RBFOX1: variants seen among roughly 807,000 people sequenced by gnomAD.
RBFOX1 encodes the protein RNA binding fox-1 homolog 1.
RBFOX1 carries 8 observed loss-of-function variants against 57.7 expected under a neutral mutation model. The ratio of observed to expected loss-of-function variants is 0.14; its 90% CI spans 0.08 to 0.25. The LOEUF is 0.25. RBFOX1 is among the 10% of genes least tolerant of loss of function. RBFOX1 has a pLI of 1.00. For missense variants in RBFOX1, 611 were observed against 548.5 expected (o/e 1.11, Z -1.14); for synonymous variants, 326 against 222.4 (o/e 1.47, Z -4.15).
chr16:5,522,507 C>A (rs1181152546), intron 2 of RBFOX1, among the ~76,000 whole-genome samples: 1 of 152,142 alleles, frequency 6.6e-6, no homozygotes, highest in African/African-American at 2.4e-5. Context: ...CCTAAGATAC[C>A]CATTACCTCA....
intron 4 of RBFOX1, among the ~76,000 whole-genome samples, chr16:7,302,871 A>C (rs2096066991): frequency 6.6e-6 from 1 of 152,078 alleles, no homozygotes; most frequent in Non-Finnish European, 1.5e-5. Context: ...TTATTACTTC[A>C]TAAAATAAAG....
At position 6,019,658 on chromosome 16, in the gene RBFOX1, G is replaced by A; in HGVS notation, c.-461G>A. On this transcript the variant is annotated 5_prime_UTR_variant, in exon 1 of 16. Coordinates refer to ENST00000550418, the MANE Select transcript of RBFOX1 (RefSeq NM_018723.4). The surrounding 1 kb of genome is among the most constrained non-coding windows in gnomAD (Gnocchi z 4.2). ...GAGGGGACAGCCAGCCGTGGGCCCC[G>A]CCCCGGCGTCCGGAGCAGGAGAACT... 1 of 1,299,208 alleles carries A rather than the reference G, an allele frequency of 7.7e-7. No homozygotes were observed. Among genetic ancestry groups the A allele is most frequent in the East Asian group, 3.1e-5 (1 of 32,610 alleles). 80.5% of individuals were successfully genotyped at this position (1,299,208 alleles called of 1,614,324 possible). A position where few individuals can be genotyped will look rare whatever the true frequency, so the allele number is the denominator to read the frequency against.
At chr16:6,203,108 T>G (rs953626327) in intron 1 of RBFOX1, among the ~76,000 whole-genome samples, 1 of 151,878 alleles carries the variant, frequency 6.6e-6, no homozygotes, top group African/African-American at 2.4e-5. Context: ...GTAAGAGCAC[T>G]TGAAAAAAAA....
intron 3 of RBFOX1, among the ~76,000 whole-genome samples, chr16:7,014,582 T>C (rs971606024): frequency 3.3e-5 from 5 of 152,018 alleles, no homozygotes; most frequent in Non-Finnish European, 5.9e-5. Context: ...TTAAACTGAA[T>C]TTTAAAGGGG....
chr16:5,502,077 G>C (rs757051041), intron 2 of RBFOX1, among the ~76,000 whole-genome samples: 17 of 151,930 alleles, frequency 1.1e-4, no homozygotes, highest in African/African-American at 3.9e-4. Context: ...GAGGAGACAG[G>C]TAAGCAGCTA....
At chr16:7,290,713 C>T (rs1214760538) in intron 4 of RBFOX1, among the ~76,000 whole-genome samples, 4 of 152,184 alleles carry the variant, frequency 2.6e-5, no homozygotes, top group African/African-American at 9.7e-5. Context: ...AAATACCGTT[C>T]TCATGGGACA....
intron 1 of RBFOX1, among the ~76,000 whole-genome samples, chr16:5,451,175 C>G (rs2068415768): frequency 6.6e-6 from 1 of 152,178 alleles, no homozygotes; most frequent in African/African-American, 2.4e-5. Context: ...AACCAGAGCT[C>G]TTCTTCCTCT....
chr16:7,290,371 C>T (rs1359562458), intron 4 of RBFOX1, among the ~76,000 whole-genome samples: 2 of 152,162 alleles, frequency 1.3e-5, no homozygotes, highest in African/African-American at 4.8e-5. Context: ...CACACTGATA[C>T]TGAGATGCAG....
intron 2 of RBFOX1, among the ~76,000 whole-genome samples, chr16:6,350,801 G>C (rs796882932): frequency 2.6e-5 from 4 of 152,206 alleles, no homozygotes; most frequent in Non-Finnish European, 5.9e-5. Context: ...CTTAAAGAGT[G>C]CAAGTCATAC....
At chr16:7,357,234 GA>G (rs60020210) in intron 4 of RBFOX1, among the ~76,000 whole-genome samples, 7,514 of 140,938 alleles carry the variant, frequency 0.053, 314 homozygotes, top group East Asian at 0.13. Context: ...AGGAGAAATG[GA>G]AAAAAAAAAA....
At chr16:5,981,971 A>G (rs991963353) in intron 4 of RBFOX1, among the ~76,000 whole-genome samples, 1 of 152,202 alleles carries the variant, frequency 6.6e-6, no homozygotes, top group Non-Finnish European at 1.5e-5. Flanking sequence ...TGGTGCCAAG[A>G]ATGAAAAACG....
intron 2 of RBFOX1, among the ~76,000 whole-genome samples, chr16:5,552,445 G>C (rs2045502434): frequency 6.6e-6 from 1 of 152,188 alleles, no homozygotes; most frequent in Non-Finnish European, 1.5e-5. Context: ...AGAGGTGCGG[G>C]ATGTTTTAGT....
intron 3 of RBFOX1, among the ~76,000 whole-genome samples, chr16:5,759,060 T>C (rs2053497624): frequency 6.6e-6 from 1 of 152,226 alleles, no homozygotes; most frequent in East Asian, 1.9e-4. Context: ...CCATTTCTAC[T>C]TCCATAAAAT....
intron 4 of RBFOX1, among the ~76,000 whole-genome samples, chr16:7,489,780 C>G (rs1408143890): frequency 6.6e-6 from 1 of 151,960 alleles, no homozygotes; most frequent in Admixed American, 6.6e-5. Flanking sequence ...CTCAGCCTTC[C>G]AGAGCACTGG....
At chr16:5,615,887 C>T (rs573430365) in intron 3 of RBFOX1, among the ~76,000 whole-genome samples, 1 of 152,282 alleles carries the variant, frequency 6.6e-6, no homozygotes, top group African/African-American at 2.4e-5. Flanking sequence ...ATTTGTGGCA[C>T]CGCTGTTCAG....
chr16:6,461,973 T>C (rs1455488698), intron 2 of RBFOX1, among the ~76,000 whole-genome samples: 1 of 152,160 alleles, frequency 6.6e-6, no homozygotes, highest in African/African-American at 2.4e-5. Flanking sequence ...ATGTTGAATG[T>C]TTCACACGAT....
intron 3 of RBFOX1, among the ~76,000 whole-genome samples, chr16:6,888,770 T>C (rs1387661657): frequency 2.0e-5 from 3 of 152,168 alleles, no homozygotes; most frequent in African/African-American, 7.2e-5. Context: ...AGTTAAAAGA[T>C]TAACCGAAGA....
chr16:5,443,121 C>T (rs954216470), intron 1 of RBFOX1, among the ~76,000 whole-genome samples: 1 of 152,138 alleles, frequency 6.6e-6, no homozygotes, highest in African/African-American at 2.4e-5. Context: ...GGACTTCTAG[C>T]CTCCAGAACT....
chr16:7,465,477 A>G (rs4786172), intron 4 of RBFOX1, among the ~76,000 whole-genome samples: 12,474 of 152,278 alleles, frequency 0.082, 712 homozygotes, highest in Non-Finnish European at 0.12. Flanking sequence ...ACTTTCCTAT[A>G]AGGAGTCTTG....
Sources: gnomAD v4.1 joint callset for allele counts (sites outside exome capture counted in the v4.1 genomes callset) on GRCh38, gnomAD v4.1.1 for gene constraint, Gnocchi (gnomAD v3.1) non-coding constraint, MANE v1.5 for transcripts, NCBI Gene and HGNC (gene_info 2026-07-23, HGNC 2026-07-21) for gene names.